The following MAN2B1 variants were observed in gnomAD, a reference collection of about 807,000 sequenced individuals.
MAN2B1 encodes the protein mannosidase alpha class 2B member 1.
Under a neutral mutation model 127.5 loss-of-function variants are expected in MAN2B1, and 99 were observed. The observed-to-expected ratio is 0.78, with a 90% confidence interval of 0.66 to 0.92. The LOEUF is 0.92. MAN2B1 is among the 40% of genes least tolerant of loss of function. The probability of loss-of-function intolerance (pLI) is 0.00; values close to 1 mark genes in which losing one functional copy is unlikely to be tolerated. For missense variants in MAN2B1, 1,304 were observed against 1,384.8 expected, an observed-to-expected ratio of 0.94 and a Z score of 0.93; for synonymous variants, 573 against 568.8, an observed-to-expected ratio of 1.01 and a Z score of -0.11.
At chr19:12,646,808 TG>T in intron 23 of MAN2B1, 76 bp from the exon 24 acceptor site, 1 of 1,055,496 alleles carries the variant, frequency 9.5e-7, no homozygotes, top group Non-Finnish European at 1.5e-6. Flanking sequence ...CTTCCTCCCC[TG>T]GGTCTAGACA....
rs774396746 is a variant in MAN2B1 at position 12,657,467 on chromosome 19, C to A, written c.1398G>T (p.Ala466=). Residue 466 remains alanine (A), a synonymous_variant, in exon 11 of 24, where the codon GCG becomes GCT. Transcript: ENST00000456935. ...HVANDYARQL[A]AGWGPCEVLL... ...GCACCTCGCAAGGCCCCCAGCCTGC[C>A]GCAAGCTGGCGCGCGTAGTCGTTGG... is the stretch of plus-strand genomic sequence containing the variant. 9 of 1,557,828 alleles carry A rather than the reference C, an allele frequency of 5.8e-6. No individual in the cohort carries two copies. In the Admixed American group the frequency reaches 7.7e-5, roughly 13 times the overall value.
intron 16 of MAN2B1, among the ~76,000 whole-genome samples, chr19:12,650,745 A>G (rs1042880771): frequency 2.7e-5 from 4 of 149,316 alleles, no homozygotes; most frequent in Non-Finnish European, 5.9e-5. Flanking sequence ...ATCTTGCCTC[A>G]CTGCAACCTC....
At position 12,663,047 on chromosome 19, in the gene MAN2B1, C is replaced by T. The variant is rs370985152; in HGVS notation, c.909+270G>A. On this transcript the variant is annotated intron_variant, in intron 6 of 23. Transcript: ENST00000456935. The stretch of plus-strand genomic sequence containing the variant: ...TTGGGAGGCCGAGGCAAGCAGATCA[C>T]TTGAGCTCAGGAGTTTGAGACCAGC... 2.6e-5 allele frequency among the ~76,000 whole-genome samples: 4 copies of T among 151,984 alleles called. No homozygotes were observed. In the East Asian group the frequency reaches 5.8e-4, roughly 22 times the overall value.
In MAN2B1 at chr19:12,650,640, G is replaced by GAGCC. The variant is rs1348060173; in HGVS notation, c.2047-422_2047-419dup. Among the ~76,000 whole-genome samples the GAGCC allele has an allele frequency of 4.6e-5, 7 of 151,372 alleles. No individual in the cohort carries two copies. The South Asian group carries it at 6.3e-4, about 14-fold the overall frequency. On this transcript the variant is annotated intron_variant, in intron 16 of 23. Transcript: ENST00000456935. ...CCCAAAGTGCTGGGATTACAGGCGT[G>GAGCC]AGCCACCGCGCCTGGCCCACATAAT...
At chr19:12,663,499 C>G in intron 5 of MAN2B1, 37 bp from the exon 6 acceptor site, 5 of 1,609,896 alleles carry the variant, frequency 3.1e-6, no homozygotes, top group Non-Finnish European at 3.4e-6. Flanking sequence ...TGGCCCATCA[C>G]CCAGACCTTC....
intron 23 of MAN2B1, 37 bp from the exon 24 acceptor site, chr19:12,646,769 G>T (rs1469815899): frequency 2.1e-6 from 3 of 1,420,542 alleles, no homozygotes; most frequent in Non-Finnish European, 3.0e-6. Context: ...GTGAGGAGGT[G>T]CAGACTTCCT....
chr19:12,661,004 G>A (rs920800714), intron 7 of MAN2B1: 9 of 403,222 alleles, frequency 2.2e-5, no homozygotes, highest in East Asian at 1.1e-4. Flanking sequence ...TGATCTGCCC[G>A]GCTCAGCCTC....
At chr19:12,659,244 G>A (rs929235205) in intron 7 of MAN2B1, among the ~76,000 whole-genome samples, 2 of 149,802 alleles carry the variant, frequency 1.3e-5, no homozygotes, top group African/African-American at 2.5e-5. Context: ...GGAAAAGGAT[G>A]TTTGTTTTGC....
chr19:12,662,293 T>C lies in MAN2B1; in HGVS notation c.910-917A>G, dbSNP rs144203102. Among the ~76,000 whole-genome samples the C allele has an allele frequency of 4.7e-4, 71 of 152,140 alleles. 1 individual carries two copies. In the East Asian group the frequency reaches 6.8e-3, roughly 15 times the overall value. On this transcript the variant is annotated intron_variant, in intron 6 of 23. Coordinates refer to ENST00000456935, the MANE Select transcript of MAN2B1 (RefSeq NM_000528.4). ...GAGTTTGAGACCAGCCTGGGCCACA[T>C]GGTGAGACCTTATCTCTGTGAAAAA...
In MAN2B1 at chr19:12,658,157, T is replaced by C. The variant is rs757582067; in HGVS notation, c.1231-16A>G. ...GGTTGCACACCTGGAGGCAGAGGGG[T>C]ATGTTGGGGCGCCCAGCCTGTCGGG... On this transcript the variant is annotated splice_polypyrimidine_tract_variant and intron_variant, in intron 9 of 23. Coordinates refer to ENST00000456935, the MANE Select transcript of MAN2B1 (RefSeq NM_000528.4). The C allele has an allele frequency of 3.7e-5, 59 of 1,612,896 alleles. 1 individual carries two copies. The Admixed American group carries it at 9.7e-4, about 26-fold the overall frequency.
intron 7 of MAN2B1, among the ~76,000 whole-genome samples, chr19:12,660,246 C>G (rs1325305740): frequency 6.6e-6 from 1 of 152,238 alleles, no homozygotes; most frequent in African/African-American, 2.4e-5. Context: ...TGGCTCACAT[C>G]TGTAATCCCA....
At position 12,649,393 on chromosome 19, in the gene MAN2B1, G is replaced by A. The variant is rs757997563; in HGVS notation, c.2303C>T (p.Thr768Met). ...ATAGTAGTTTCCTGCCACGGGCTCCGTCTGGTTCAGTTTCCAGGTGGGTCG... is the reference window on the plus strand; with the variant it reads ...ATAGTAGTTTCCTGCCACGGGCTCCATCTGGTTCAGTTTCCAGGTGGGTCG... The part of the protein sequence containing the change: ...DYRPTWKLNQ[T>M]EPVAGNYYPV... Residue 768 changes from threonine to methionine, a missense_variant, in exon 19 of 24, where the codon ACG becomes ATG. Coordinates refer to ENST00000456935, the MANE Select transcript of MAN2B1 (RefSeq NM_000528.4). 1.7e-5 allele frequency: 27 copies of A among 1,612,544 alleles called. No homozygotes were observed. The highest frequency in any genetic ancestry group is 2.2e-5 in the East Asian group (1 of 44,838).
chr19:12,660,154 T>C (rs1168446840), intron 7 of MAN2B1, among the ~76,000 whole-genome samples: 3 of 152,160 alleles, frequency 2.0e-5, no homozygotes, highest in Non-Finnish European at 4.4e-5. Flanking sequence ...TTAGATTACA[T>C]GGCAAAAGGG....
In MAN2B1 at chr19:12,657,446, C is replaced by T. The variant is rs561829731; in HGVS notation, c.1419G>A (p.Glu473=). 4 of 1,550,340 alleles carry T rather than the reference C, an allele frequency of 2.6e-6. No homozygotes were observed. In the Admixed American group the frequency reaches 5.9e-5, roughly 23 times the overall value. ...GTCTCCCAAGTCTCGCCCCGCGCAC[C>T]TCGCAAGGCCCCCAGCCTGCCGCAA... ...RQLAAGWGPC[E]VLLSNALARL... The change falls in exon 11 of 24, where the codon GAG becomes GAA. Residue 473 remains glutamate (E), a splice_region_variant and synonymous_variant. Coordinates refer to ENST00000456935, the MANE Select transcript of MAN2B1 (RefSeq NM_000528.4).
At chr19:12,660,752 A>ATTTTTTTT (rs1168857464) in intron 7 of MAN2B1, 6 of 102,266 alleles carry the variant, frequency 5.9e-5, no homozygotes, top group African/African-American at 2.0e-4. Flanking sequence ...CTCAGGCTGG[A>ATTTTTTTT]TTTTTTTTTT....
At position 12,655,838 on chromosome 19, in the gene MAN2B1, C is replaced by T. The variant is rs773178744; in HGVS notation, c.1686G>A (p.Pro562=). ...GCAGTGAGGCTGAGAACAGCAGCTC[C>T]GGAGGGTGCGCCTGGCTGTCTGAGC... is the stretch of plus-strand genomic sequence containing the variant. The part of the protein sequence containing the change: ...FPSSDSQAHP[P]ELLFSASLPA... The change falls in exon 14 of 24, where the codon CCG becomes CCA. Residue 562 remains proline, a synonymous_variant. Transcript: ENST00000456935. The T allele has an allele frequency of 8.1e-6, 13 of 1,613,732 alleles. No individual in the cohort carries two copies. Among genetic ancestry groups the T allele is most frequent in the African/African-American group, 5.3e-5 (4 of 74,870 alleles).
Position 12,649,916 on chromosome 19 carries a change from C to T in MAN2B1, c.2264G>A (p.Arg755Lys), listed in dbSNP as rs747176828. ...AGTGCTCTCAGTCACCCCCCACCTC[C>T]TCTCCAGGATCTCCCGGCCATTGCT... ...TDSNGREILE[R>K]RRDYRPTWKL... Residue 755 changes from arginine (R) to lysine (K), a missense_variant, in exon 18 of 24, where the codon AGG becomes AAG. Coordinates refer to ENST00000456935, the MANE Select transcript of MAN2B1 (RefSeq NM_000528.4). The T allele has an allele frequency of 1.2e-6, 2 of 1,613,342 alleles. No homozygotes were observed. Among genetic ancestry groups the T allele is most frequent in the South Asian group, 2.2e-5 (2 of 91,038 alleles).
At position 12,658,122 on chromosome 19, in the gene MAN2B1, G is replaced by A. The variant is rs762379857; in HGVS notation, c.1250C>T (p.Ala417Val). The change falls in exon 10 of 24, where the codon GCG becomes GTG. Residue 417 changes from alanine (A) to valine (V), a missense_variant. Physicochemically the swap from Ala to Val is moderately conservative, Grantham distance 64 (BLOSUM62 0). Coordinates refer to ENST00000456935, the MANE Select transcript of MAN2B1 (RefSeq NM_000528.4). ...CACGTTGGCCGCCAGGCCCACCAGC[G>A]CCTCCAGCTGGTTGCACACCTGGAG... ...NFLQVCNQLE[A>V]LVGLAANVGP... 6.2e-7 allele frequency: 1 copy of A among 1,613,398 alleles called. No individual in the cohort carries two copies. Among genetic ancestry groups the A allele is most frequent in the Admixed American group, 1.7e-5 (1 of 59,994 alleles).
chr19:12,647,636 G>A lies in MAN2B1; in HGVS notation c.2665-38C>T. On this transcript the variant is annotated intron_variant, in intron 21 of 23. Transcript: ENST00000456935. This position sits in a 1 kb window ranked among gnomAD's most constrained non-coding sequence, Gnocchi z 4.9. ...GGGCGGGGCTGAGTTGGAGAGGGGCGGGGCCTGGATGGAGAAGGGCGGGGC... is the reference window on the plus strand; with the variant it reads ...GGGCGGGGCTGAGTTGGAGAGGGGCAGGGCCTGGATGGAGAAGGGCGGGGC... The A allele has an allele frequency of 6.3e-7, 1 of 1,589,282 alleles. No individual in the cohort carries two copies. Among genetic ancestry groups the A allele is most frequent in the East Asian group, 2.2e-5 (1 of 44,482 alleles).
Sources: gnomAD v4.1 joint callset for allele counts (sites outside exome capture counted in the v4.1 genomes callset) on GRCh38, gnomAD v4.1.1 for gene constraint, Gnocchi (gnomAD v3.1) non-coding constraint, MANE v1.5 for transcripts, NCBI Gene and HGNC (gene_info 2026-07-23, HGNC 2026-07-21) for gene names.